AGR3: variants seen among roughly 807,000 people sequenced by gnomAD.
AGR3 encodes anterior gradient 3, protein disulphide isomerase family member.
A neutral mutation model predicts 24.5 loss-of-function variants in AGR3; 37 were observed. That is an observed-to-expected ratio of 1.51 (90% CI 1.16 to 1.99). The LOEUF is 1.99. Among genes scored for constraint, AGR3 ranks in the 30% most tolerant of loss-of-function variants. The pLI is 0.00. For missense variants in AGR3, 228 were observed against 191.1 expected (o/e 1.19, Z -1.14); for synonymous variants, 75 against 61.6 (o/e 1.22, Z -1.02).
At chr7:16,867,304 A>G (rs190289628) in intron 3 of AGR3, among the ~76,000 whole-genome samples, 4 of 152,300 alleles carry the variant, frequency 2.6e-5, no homozygotes, top group Admixed American at 2.6e-4. Context: ...GATTTAAAAT[A>G]CCACTTCCTG....
Position 16,873,766 on chromosome 7 carries a change from G to A in AGR3, c.173+14C>T. 1 of 1,590,874 alleles carries A rather than the reference G, an allele frequency of 6.3e-7. No homozygotes were observed. The highest frequency in any genetic ancestry group is 8.6e-7 in the Non-Finnish European group (1 of 1,159,496). ...ACAAATAAAAGGAAAAAAATGAGCT[G>A]AGAAGCATGTTACCTTTTTTGAGCA... is the stretch of plus-strand genomic sequence containing the variant. On this transcript the variant is annotated intron_variant, in intron 3 of 7. Transcript: ENST00000310398.
At chr7:16,876,212 G>T (rs1038485258) in intron 2 of AGR3, among the ~76,000 whole-genome samples, 1 of 152,146 alleles carries the variant, frequency 6.6e-6, no homozygotes, top group Non-Finnish European at 1.5e-5. Flanking sequence ...ATAGGTCAAA[G>T]CTGTTACACA....
At chr7:16,857,108 G>C (rs568484896), downstream of AGR3, among the ~76,000 whole-genome samples, 105 of 151,770 alleles carry the variant, frequency 6.9e-4, no homozygotes, top group Middle Eastern at 3.4e-3. Flanking sequence ...TCCTGCCTCA[G>C]CTTCCCCAGT....
chr7:16,862,534 T>C, intron 4 of AGR3, 76 bp downstream of exon 4: 1 of 944,292 alleles, frequency 1.1e-6, no homozygotes, highest in Non-Finnish European at 1.5e-6. Flanking sequence ...TTCTTAGCTA[T>C]TATTACCAGG....
At chr7:16,860,699 C>A in intron 6 of AGR3, 116 bp from the exon 7 acceptor site, 1 of 701,318 alleles carries the variant, frequency 1.4e-6, no homozygotes, top group South Asian at 1.9e-5. Context: ...GTTTGTTACA[C>A]AGATATATTG....
At chr7:16,870,304 A>AT (rs1202499940) in intron 3 of AGR3, among the ~76,000 whole-genome samples, 3 of 151,970 alleles carry the variant, frequency 2.0e-5, no homozygotes, top group Non-Finnish European at 2.9e-5. Flanking sequence ...GAATATTTAA[A>AT]TTTTTTTAGT....
intron 3 of AGR3, among the ~76,000 whole-genome samples, chr7:16,862,902 G>A (rs2115300640): frequency 6.6e-6 from 1 of 152,282 alleles, no homozygotes; most frequent in South Asian, 2.1e-4. Context: ...TCCCAAATCA[G>A]GAAAGCCTCC....
intron 2 of AGR3, among the ~76,000 whole-genome samples, chr7:16,876,850 T>C (rs192995397): frequency 6.6e-6 from 1 of 152,228 alleles, no homozygotes; most frequent in Admixed American, 6.5e-5. Flanking sequence ...GCACACAGAA[T>C]GTTGATGCCT....
At chr7:16,881,820 TA>T (rs1782123707) in intron 1 of AGR3, 123 bp downstream of exon 1, 2 of 388,144 alleles carry the variant, frequency 5.2e-6, no homozygotes, top group South Asian at 4.1e-5. Flanking sequence ...AGAAGAAAAA[TA>T]AAAATTCATT....
intron 1 of AGR3, among the ~76,000 whole-genome samples, chr7:16,879,962 T>C (rs1193991619): frequency 6.6e-6 from 1 of 152,096 alleles, no homozygotes; most frequent in Non-Finnish European, 1.5e-5. Context: ...GTGTATCTAT[T>C]GCAGCCCCTC....
At chr7:16,864,777 A>G (rs1013746714) in intron 3 of AGR3, 96 of 1,075,784 alleles carry the variant, frequency 8.9e-5, no homozygotes, top group Non-Finnish European at 1.3e-4. Context: ...GGCAATGAGC[A>G]TATCCTCCGG....
rs1055348084 is a variant in AGR3 at position 16,865,444 on chromosome 7, G to C, written c.174-2782C>G. On this transcript the variant is annotated intron_variant, in intron 3 of 7. Coordinates refer to ENST00000310398, the MANE Select transcript of AGR3 (RefSeq NM_176813.5). The stretch of plus-strand genomic sequence containing the variant: ...TTCATCGTAATTGTTGGTGCCACAG[G>C]GTTGAAACTAATATTTGAGGTAGAA... The C allele has an allele frequency of 3.6e-6, 3 of 829,852 alleles. No homozygotes were observed. In the African/African-American group the frequency reaches 5.0e-5, roughly 14 times the overall value. 51.4% of individuals were successfully genotyped at this position (829,852 alleles called of 1,614,324 possible).
At chr7:16,878,709 T>G in intron 1 of AGR3, 64 bp from the exon 2 acceptor site, 2 of 1,256,710 alleles carry the variant, frequency 1.6e-6, no homozygotes, top group South Asian at 1.3e-5. Context: ...TAGAAGATAT[T>G]TGCTAAGAGT....
At chr7:16,856,460 T>A (rs1159439817), downstream of AGR3, among the ~76,000 whole-genome samples, 1 of 152,188 alleles carries the variant, frequency 6.6e-6, no homozygotes, top group Non-Finnish European at 1.5e-5. Context: ...AAATAACCAA[T>A]ACATTTTAGT....
rs957373661 is a variant in AGR3, at chr7:16,864,639, G to C, written c.174-1977C>G. 2.5e-6 allele frequency: 4 copies of C among 1,573,118 alleles called. No individual in the cohort carries two copies. The African/African-American group carries it at 5.4e-5, about 21-fold the overall frequency. On this transcript the variant is annotated intron_variant, in intron 3 of 7. Transcript: ENST00000310398. Reference sequence around the variant, plus strand: ...CAAGGTATGGCAGTAGCTGAGTTTGGAGGCATAAAGCTGGTAGGCAGAAGT... The same window carrying C: ...CAAGGTATGGCAGTAGCTGAGTTTGCAGGCATAAAGCTGGTAGGCAGAAGT...
rs200648639 is a variant in AGR3 at position 16,861,387 on chromosome 7, C to A, written c.364G>T (p.Val122Leu). ...TGAAATGAGATCACATACATACCTACAAACATGATTCTAGGCACATATTGC... is the reference window on the plus strand; with the variant it reads ...TGAAATGAGATCACATACATACCTAAAAACATGATTCTAGGCACATATTGC... ...DGQYVPRIMF[V>L]DPSLTVRADI... Residue 122 changes from valine to leucine, a missense_variant, in exon 6 of 8, where the codon GTA (valine) becomes TTA (leucine). Physicochemically the swap from Val to Leu is conservative, Grantham distance 32. Transcript: ENST00000310398. 21 of 1,606,532 alleles carry A rather than the reference C, an allele frequency of 1.3e-5. 1 individual carries two copies. In the South Asian group the frequency reaches 2.1e-4, roughly 16 times the overall value.
chr7:16,855,779 A>G (rs10276331), downstream of AGR3, among the ~76,000 whole-genome samples: 501 of 152,310 alleles, frequency 3.3e-3, 2 homozygotes, highest in African/African-American at 0.011. Context: ...CAAGTAATCT[A>G]TATGTGTGTA....
chr7:16,861,520 G>C (rs1781643825), intron 5 of AGR3, 73 bp from the exon 6 acceptor site: 3 of 1,275,900 alleles, frequency 2.4e-6, no homozygotes, highest in Non-Finnish European at 1.1e-6. Context: ...GATTTTGTGT[G>C]ACTGTCAGTA....
At chr7:16,865,671 C>CA in intron 3 of AGR3, 1 of 803,876 alleles carries the variant, frequency 1.2e-6, no homozygotes. Flanking sequence ...AGATGATCTC[C>CA]AAGCATTTGT....
Sources: gnomAD v4.1 joint callset for allele counts (sites outside exome capture counted in the v4.1 genomes callset) on GRCh38, gnomAD v4.1.1 for gene constraint, MANE v1.5 for transcripts, NCBI Gene and HGNC (gene_info 2026-07-23, HGNC 2026-07-21) for gene names.